Variants in ACSL1 observed in about 807,000 individuals in gnomAD.
ACSL1 encodes the protein long-chain-fatty-acid--CoA ligase 1.
A neutral mutation model predicts 98.4 loss-of-function variants in ACSL1; 41 were observed. The ratio of observed to expected loss-of-function variants is 0.42; its 90% CI spans 0.32 to 0.54. The LOEUF is 0.54. ACSL1 is among the 20% of genes least tolerant of loss of function. The pLI is 0.13. For missense variants in ACSL1, 734 were observed against 883.1 expected, an observed-to-expected ratio of 0.83 and a Z score of 2.14; for synonymous variants, 316 against 322.7, an observed-to-expected ratio of 0.98 and a Z score of 0.22.
chr4:184,811,795 G>C (rs182117392), intron 1 of ACSL1, among the ~76,000 whole-genome samples: 2 of 152,130 alleles, frequency 1.3e-5, no homozygotes, highest in Admixed American at 1.3e-4. Context: ...ACTTAAAAAT[G>C]ATTAGCATGA....
At chr4:184,787,928 G>A (rs1056964465) in intron 3 of ACSL1, among the ~76,000 whole-genome samples, 1 of 152,182 alleles carries the variant, frequency 6.6e-6, no homozygotes, top group African/African-American at 2.4e-5. Flanking sequence ...AGTGCTTTGG[G>A]AGGCTGAGGC....
chr4:184,775,985 T>A (rs1428869297), intron 7 of ACSL1, among the ~76,000 whole-genome samples: 1 of 152,160 alleles, frequency 6.6e-6, no homozygotes, highest in African/African-American at 2.4e-5. Flanking sequence ...CCTTTAAACT[T>A]GTGATTGGTA....
chr4:184,779,714 C>T (rs1765910070), intron 5 of ACSL1, among the ~76,000 whole-genome samples: 1 of 152,192 alleles, frequency 6.6e-6, no homozygotes, highest in African/African-American at 2.4e-5. Context: ...TTTCTAACCA[C>T]AGAGGTGACT....
chr4:184,801,533 G>A (rs1247841807), intron 2 of ACSL1, among the ~76,000 whole-genome samples: 1 of 152,154 alleles, frequency 6.6e-6, no homozygotes, highest in Admixed American at 6.5e-5. Context: ...CCCTGCCCTA[G>A]GTGTCCACAG....
At chr4:184,786,696 T>C (rs997860890) in intron 3 of ACSL1, among the ~76,000 whole-genome samples, 2 of 147,032 alleles carry the variant, frequency 1.4e-5, no homozygotes, top group African/African-American at 5.0e-5. Context: ...CACTTTCTTT[T>C]TTTTTTTTTT....
At chr4:184,801,673 C>A (rs1468662802) in intron 2 of ACSL1, among the ~76,000 whole-genome samples, 2 of 152,182 alleles carry the variant, frequency 1.3e-5, no homozygotes, top group Admixed American at 6.5e-5. Context: ...CTAAGCCCCA[C>A]AAATTCTGAA....
At chr4:184,777,912 C>T (rs1254095178) in intron 5 of ACSL1, among the ~76,000 whole-genome samples, 1 of 152,198 alleles carries the variant, frequency 6.6e-6, no homozygotes, top group African/African-American at 2.4e-5. Flanking sequence ...ACGGAGCAGC[C>T]ACTGAGAGTT....
intron 12 of ACSL1, among the ~76,000 whole-genome samples, chr4:184,767,783 T>C (rs1276508780): frequency 6.6e-6 from 1 of 152,238 alleles, no homozygotes; most frequent in African/African-American, 2.4e-5. Flanking sequence ...CCCTCGCGCC[T>C]GGCCCTGGCT....
chr4:184,797,638 T>C (rs1444959461), intron 2 of ACSL1, among the ~76,000 whole-genome samples: 2 of 152,234 alleles, frequency 1.3e-5, no homozygotes, highest in Non-Finnish European at 2.9e-5. Context: ...TTAGTTTGCT[T>C]CTTCCAAATC....
In ACSL1 at chr4:184,773,721, A is replaced by G; in HGVS notation, c.790-7T>C. 1.3e-6 allele frequency: 2 copies of G among 1,599,708 alleles called. No individual in the cohort carries two copies. The highest frequency in any genetic ancestry group is 1.7e-6 in the Non-Finnish European group (2 of 1,176,414). On this transcript the variant is annotated splice_region_variant and splice_polypyrimidine_tract_variant and intron_variant, in intron 8 of 20. Coordinates refer to ENST00000281455, the MANE Select transcript of ACSL1 (RefSeq NM_001995.5). The surrounding 1 kb of genome is among the most constrained non-coding windows in gnomAD (Gnocchi z 4.3). ...GATCTTCAGGTGCTGGAGGCTAAAG[A>G]TTAAAAAAAAAAAAAGCTGGTATAA...
At chr4:184,786,429 C>T (rs1292814007) in intron 3 of ACSL1, among the ~76,000 whole-genome samples, 4 of 123,690 alleles carry the variant, frequency 3.2e-5, no homozygotes, top group African/African-American at 1.0e-4. Flanking sequence ...CACACACACA[C>T]ACACACACAC....
At chr4:184,786,872 T>A (rs1210798822) in intron 3 of ACSL1, among the ~76,000 whole-genome samples, 1 of 152,044 alleles carries the variant, frequency 6.6e-6, no homozygotes, top group African/African-American at 2.4e-5. Flanking sequence ...TTTTGTATTT[T>A]TAGTAGAGAC....
chr4:184,816,084 G>A (rs1014213917), intron 1 of ACSL1, among the ~76,000 whole-genome samples: 1 of 151,848 alleles, frequency 6.6e-6, no homozygotes, highest in African/African-American at 2.4e-5. Context: ...TGGCACCACT[G>A]CGCTCCAGCC....
At chr4:184,763,338 T>A in intron 15 of ACSL1, 83 bp from the exon 16 acceptor site, 13 of 1,239,900 alleles carry the variant, frequency 1.0e-5, no homozygotes, top group East Asian at 2.5e-5. Flanking sequence ...CAAACAGGAT[T>A]CCACATAAGA....
At chr4:184,775,819 G>A (rs1050483445) in intron 7 of ACSL1, among the ~76,000 whole-genome samples, 6 of 152,170 alleles carry the variant, frequency 3.9e-5, no homozygotes, top group African/African-American at 1.2e-4. Flanking sequence ...CCTATGACTT[G>A]TTATGATATG....
chr4:184,764,716 C>A (rs567492428), intron 15 of ACSL1, 137 bp downstream of exon 15: 1 of 753,526 alleles, frequency 1.3e-6, no homozygotes, highest in Non-Finnish European at 2.1e-6. Flanking sequence ...TGTTTGCCCC[C>A]AGAGCCTAAT....
At chr4:184,788,348 C>T (rs1292760561) in intron 3 of ACSL1, 1 of 552,884 alleles carries the variant, frequency 1.8e-6, no homozygotes, top group Admixed American at 2.2e-5. Context: ...ACGTCAGAGC[C>T]TATTGTGCAC....
chr4:184,820,651 C>T (rs1441976508), intron 1 of ACSL1, among the ~76,000 whole-genome samples: 2 of 152,084 alleles, frequency 1.3e-5, no homozygotes, highest in Non-Finnish European at 2.9e-5. Flanking sequence ...GTCACCCAGG[C>T]TGGAGTGCTG....
chr4:184,768,270 G>A lies in ACSL1; in HGVS notation c.1128+46C>T, dbSNP rs190537457. The A allele has an allele frequency of 2.7e-4, 426 of 1,580,300 alleles. 1 individual carries two copies. The highest frequency in any genetic ancestry group is 1.3e-3 in the Middle Eastern group (8 of 5,930). On this transcript the variant is annotated intron_variant, in intron 12 of 20. Coordinates refer to ENST00000281455, the MANE Select transcript of ACSL1 (RefSeq NM_001995.5). The stretch of plus-strand genomic sequence containing the variant: ...GCCCAATTCAAGCCCAAGCCCCTGC[G>A]TCCAAGTCAGTGCTCAGTCCTGGGA...
Sources: allele counts gnomAD v4.1 joint callset (sites outside exome capture counted in the v4.1 genomes callset), GRCh38; gene constraint gnomAD v4.1.1; non-coding constraint Gnocchi (gnomAD v3.1); transcripts MANE v1.5; gene names NCBI Gene and HGNC (gene_info 2026-07-23, HGNC 2026-07-21).